CHD2: variants seen among roughly 807,000 people sequenced by gnomAD.
CHD2 encodes the protein chromodomain helicase DNA binding protein 2, also known as ATP-dependent chromatin remodeler CHD2.
In CHD2, 28 loss-of-function variants were observed where a neutral mutation model predicts 243.9. The ratio of observed to expected loss-of-function variants is 0.11; its 90% CI spans 0.09 to 0.16. The LOEUF (loss-of-function observed/expected upper bound fraction) is 0.16, where lower values mean the gene tolerates loss of function less well. Among genes scored for constraint, CHD2 ranks in the 10% least tolerant of loss-of-function variants. The pLI is 1.00. For missense variants in CHD2, 1,386 were observed against 2,209.8 expected (o/e 0.63, Z 7.47); for synonymous variants, 775 against 779.0 (o/e 0.99, Z 0.09).
intron 2 of CHD2, among the ~76,000 whole-genome samples, chr15:92,909,939 CGTGTGTGTGT>C (rs57621949): frequency 0.025 from 3,779 of 149,200 alleles, 140 homozygotes; most frequent in Admixed American, 0.078. Flanking sequence ...AAGGGTTTTA[CGTGTGTGTGT>C]GTGTGTGTGT....
intron 7 of CHD2, among the ~76,000 whole-genome samples, chr15:92,940,918 ATAC>A (rs2053363507): frequency 2.1e-5 from 3 of 141,430 alleles, no homozygotes; most frequent in Non-Finnish European, 4.6e-5. Context: ...ATATATAAAT[ATAC>A]ATATAAATAT....
chr15:92,939,386 C>T (rs57408186), intron 6 of CHD2, among the ~76,000 whole-genome samples, 192 bp from the exon 7 acceptor site: 1,884 of 152,230 alleles, frequency 0.012, 36 homozygotes, highest in African/African-American at 0.04. Flanking sequence ...AATGACCTTC[C>T]TGTTGGAAAT....
At chr15:92,923,925 A>C (rs893522709) in intron 2 of CHD2, among the ~76,000 whole-genome samples, 3 of 152,036 alleles carry the variant, frequency 2.0e-5, no homozygotes, top group Admixed American at 6.6e-5. Flanking sequence ...ATGATACTTA[A>C]CAGATAAGAC....
chr15:92,967,484 G>A lies in CHD2; in HGVS notation c.2160G>A (p.Glu720=). The change falls in exon 17 of 39, where the codon GAG becomes GAA. Residue 720 remains glutamate (E), a synonymous_variant. Coordinates refer to ENST00000394196, the MANE Select transcript of CHD2 (RefSeq NM_001271.4). ...PAKVEQILRV[E]MSALQKQYYK... ...AAGTGGAACAGATTCTCAGGGTGGAGATGTCAGCCCTTCAGAAACAGTATT... is the reference window on the plus strand; with the variant it reads ...AAGTGGAACAGATTCTCAGGGTGGAAATGTCAGCCCTTCAGAAACAGTATT... The A allele has an allele frequency of 2.5e-6, 4 of 1,613,840 alleles. No individual in the cohort carries two copies. The highest frequency in any genetic ancestry group is 3.4e-6 in the Non-Finnish European group (4 of 1,179,856).
In CHD2 at chr15:92,924,298, A is replaced by ATC. The variant is rs749583665; in HGVS notation, c.63-10_63-9dup. Reference sequence around the variant, plus strand: ...TGTGTCAGTTCTTAAATATTTTTAAATCTCTCTCTCTCTCAAAATAAGTCA... The same window carrying ATC: ...TGTGTCAGTTCTTAAATATTTTTAAATCTCTCTCTCTCTCTCAAAATAAGTCA... On this transcript the variant is annotated intron_variant, in intron 2 of 38. Transcript: ENST00000394196. The ATC allele has an allele frequency of 1.4e-5, 22 of 1,588,770 alleles. No individual in the cohort carries two copies. The highest frequency in any genetic ancestry group is 2.7e-5 in the African/African-American group (2 of 74,316).
chr15:92,976,978 G>A (rs192072962), intron 20 of CHD2, among the ~76,000 whole-genome samples: 14 of 150,904 alleles, frequency 9.3e-5, no homozygotes, highest in Non-Finnish European at 1.8e-4. Flanking sequence ...CTACCTTACC[G>A]TTAGTGGCAT....
At chr15:92,960,569 T>A (rs1255680190) in intron 16 of CHD2, among the ~76,000 whole-genome samples, 1 of 152,142 alleles carries the variant, frequency 6.6e-6, no homozygotes. Flanking sequence ...TATATTACAT[T>A]AATTGCTTTT....
At chr15:92,988,152 G>A (rs2054069264) in intron 26 of CHD2, among the ~76,000 whole-genome samples, 2 of 150,816 alleles carry the variant, frequency 1.3e-5, no homozygotes, top group Admixed American at 6.6e-5. Flanking sequence ...GTGCAATCTC[G>A]GCCCACTGCA....
At chr15:93,019,374 T>A (rs2054502829) in intron 37 of CHD2, among the ~76,000 whole-genome samples, 2 of 152,212 alleles carry the variant, frequency 1.3e-5, no homozygotes, top group South Asian at 4.2e-4. Context: ...GTTAAACAGG[T>A]ATGGAGAGTG....
intron 7 of CHD2, among the ~76,000 whole-genome samples, chr15:92,941,460 T>C (rs11637047): frequency 0.2 from 30,782 of 152,108 alleles, 3,946 homozygotes; most frequent in Middle Eastern, 0.32. Flanking sequence ...GCAAATTTTT[T>C]CTTCCATTAT....
chr15:92,916,679 G>A (rs557445671), intron 2 of CHD2, among the ~76,000 whole-genome samples: 5 of 152,168 alleles, frequency 3.3e-5, no homozygotes, highest in East Asian at 1.9e-4. Flanking sequence ...TTGGCCTCCC[G>A]AGTAACTGGG....
At chr15:93,018,368 CCTTAATGGTGTTGTTCTTCAGCT>C (rs1336091390) in intron 37 of CHD2, among the ~76,000 whole-genome samples, 5 of 152,172 alleles carry the variant, frequency 3.3e-5, no homozygotes, top group Non-Finnish European at 7.3e-5. Context: ...CTCAGCACTT[CCTTAATGGTGTTGTTCTTCAGCT>C]CTGTAGAAAA....
intron 2 of CHD2, among the ~76,000 whole-genome samples, chr15:92,920,959 A>G (rs1158668711): frequency 6.6e-6 from 1 of 152,194 alleles, no homozygotes; most frequent in Admixed American, 6.5e-5. Context: ...GGTAGTGTAG[A>G]TGTTAACAGC....
intron 5 of CHD2, among the ~76,000 whole-genome samples, chr15:92,934,394 T>G (rs1385006071): frequency 6.7e-6 from 1 of 149,992 alleles, no homozygotes; most frequent in African/African-American, 2.4e-5. Context: ...CGGGAAAAAT[T>G]TAGTTGAATT....
chr15:92,916,872 G>A (rs1013819806), intron 2 of CHD2, among the ~76,000 whole-genome samples: 6 of 152,178 alleles, frequency 3.9e-5, no homozygotes, highest in Admixed American at 6.5e-5. Context: ...CATTTTAAGG[G>A]TTACTGGCTA....
At chr15:92,910,449 G>T (rs924465188) in intron 2 of CHD2, among the ~76,000 whole-genome samples, 1 of 152,088 alleles carries the variant, frequency 6.6e-6, no homozygotes, top group Non-Finnish European at 1.5e-5. Flanking sequence ...TTGGAGTGCA[G>T]TGGCGCCGTC....
rs144093328 is a variant in CHD2 at position 92,908,559 on chromosome 15, T to C, written c.62+7260T>C. Among the ~76,000 whole-genome samples the C allele has an allele frequency of 2.6e-3, 402 of 152,326 alleles. 3 individuals are homozygous for C. Among genetic ancestry groups the C allele is most frequent in the African/African-American group, 9.1e-3 (380 of 41,568 alleles). On this transcript the variant is annotated intron_variant, in intron 2 of 38. Transcript: ENST00000394196. ...AGTTAATTTTTAAAAGCTCTCTGTGTTTCAAATTTGCATGTGTTTCTGTAT... is the reference window on the plus strand; with the variant it reads ...AGTTAATTTTTAAAAGCTCTCTGTGCTTCAAATTTGCATGTGTTTCTGTAT...
chr15:92,934,198 T>C (rs2053225097), intron 5 of CHD2, among the ~76,000 whole-genome samples: 1 of 152,254 alleles, frequency 6.6e-6, no homozygotes. Flanking sequence ...GTTCATTTCC[T>C]ACTTTACAGT....
intron 33 of CHD2, among the ~76,000 whole-genome samples, chr15:93,003,726 G>C (rs187771202): frequency 6.6e-6 from 1 of 152,094 alleles, no homozygotes; most frequent in Admixed American, 6.5e-5. Context: ...AACCACTACT[G>C]TGAAGTGGGT....
Sources: allele counts gnomAD v4.1 joint callset (sites outside exome capture counted in the v4.1 genomes callset), GRCh38; gene constraint gnomAD v4.1.1; transcripts MANE v1.5; gene names NCBI Gene and HGNC (gene_info 2026-07-23, HGNC 2026-07-21).